The following CALCOCO1 variants were observed in gnomAD, a reference collection of about 807,000 sequenced individuals.
CALCOCO1 encodes the protein calcium-binding and coiled-coil domain-containing protein 1.
Under a neutral mutation model 86.3 loss-of-function variants are expected in CALCOCO1, and 44 were observed. The ratio of observed to expected loss-of-function variants is 0.51; its 90% CI spans 0.40 to 0.66. CALCOCO1 has a LOEUF of 0.66. Among genes scored for constraint, CALCOCO1 ranks in the 30% least tolerant of loss-of-function variants. The pLI is 0.00. For missense variants in CALCOCO1, 708 were observed against 851.1 expected (o/e 0.83, Z 2.09); for synonymous variants, 297 against 327.6 (o/e 0.91, Z 1.01).
rs988886823 is a variant in CALCOCO1 at position 53,709,197 on chromosome 12, G to A, written c.*2747C>T. The stretch of plus-strand genomic sequence containing the variant: ...GATGCTGGGGAGCAGGGAGGAAAGG[G>A]ATGATCCATTATAGAAGAGAAATAA... On this transcript the variant is annotated 3_prime_UTR_variant, in exon 15 of 15. Transcript: ENST00000550804. 2.0e-5 allele frequency: 3 copies of A among 152,234 alleles called. No homozygotes were observed. The highest frequency in any genetic ancestry group is 2.9e-5 in the Non-Finnish European group (2 of 68,078). The allele number at this position is 152,234 out of a possible 1,614,324, so 9.4% of individuals were successfully genotyped here.
In CALCOCO1 at chr12:53,712,928, T is replaced by C. The variant is rs555214069; in HGVS notation, c.1898+172A>G. The C allele has an allele frequency of 5.2e-6, 7 of 1,342,960 alleles. No individual in the cohort carries two copies. In the East Asian group the frequency reaches 1.2e-4, roughly 23 times the overall value. 83.2% of individuals were successfully genotyped at this position (1,342,960 alleles called of 1,614,324 possible). ...GGGGTAGGGATTACCTGAAGGCATC[T>C]GGGATTTGGAGCAGTGAGTCATTTT... On this transcript the variant is annotated intron_variant, in intron 14 of 14. Coordinates refer to ENST00000550804, the MANE Select transcript of CALCOCO1 (RefSeq NM_020898.3).
chr12:53,710,902 C>G lies in CALCOCO1; in HGVS notation c.*1042G>C, dbSNP rs76745218. ...ATGAGTTTGCTCCCTCCCCAACTGC[C>G]GCATTATCCAAGCCAGACTCCCACT... On this transcript the variant is annotated 3_prime_UTR_variant, in exon 15 of 15. Transcript: ENST00000550804. 1 of 216,636 alleles carries G rather than the reference C, an allele frequency of 4.6e-6. No individual in the cohort carries two copies. The highest frequency in any genetic ancestry group is 9.0e-6 in the Non-Finnish European group (1 of 111,076). 13.4% of individuals were successfully genotyped at this position (216,636 alleles called of 1,614,324 possible).
intron 1 of CALCOCO1, among the ~76,000 whole-genome samples, chr12:53,726,961 C>T (rs1330119716): frequency 6.6e-6 from 1 of 152,082 alleles, no homozygotes; most frequent in African/African-American, 2.4e-5. Flanking sequence ...GGGCGGAGAG[C>T]GGGTGTCCCA....
intron 3 of CALCOCO1, chr12:53,724,237 AG>A: frequency 2.4e-6 from 1 of 410,840 alleles, no homozygotes; most frequent in South Asian, 1.8e-5. Flanking sequence ...CCTATAAGCC[AG>A]GCATCCCCTT....
chr12:53,712,881 C>T (rs756141141), intron 14 of CALCOCO1: 21 of 1,472,874 alleles, frequency 1.4e-5, no homozygotes, highest in Non-Finnish European at 1.9e-5. Context: ...AAGGCAGGAC[C>T]TCTGAGTGCA....
rs772727925 is a variant in CALCOCO1 at position 53,715,161 on chromosome 12, A to C, written c.1386+39T>G. 1.0e-5 allele frequency: 16 copies of C among 1,607,644 alleles called. No homozygotes were observed. In the African/African-American group the frequency reaches 1.9e-4, roughly 19 times the overall value. On this transcript the variant is annotated intron_variant, in intron 10 of 14. Transcript: ENST00000550804. ...AGAGAAGGGGTATGGATGCCTCAGG[A>C]GGCCATAGGACAGGACCCTTGGTGG...
In CALCOCO1 at chr12:53,712,650, G is replaced by A. The variant is rs1945596205; in HGVS notation, c.1898+450C>T. On this transcript the variant is annotated intron_variant, in intron 14 of 14. Coordinates refer to ENST00000550804, the MANE Select transcript of CALCOCO1 (RefSeq NM_020898.3). The stretch of plus-strand genomic sequence containing the variant: ...CCTTCCCTAAGGGTTACCCAGGGAA[G>A]TCAGGGAAGAGGGAAAGCATTTCAG... 7.1e-6 allele frequency: 3 copies of A among 421,072 alleles called. No homozygotes were observed. In the South Asian group the frequency reaches 9.1e-5, roughly 13 times the overall value. 26.1% of individuals were successfully genotyped at this position (421,072 alleles called of 1,614,324 possible).
rs75193714 is a variant in CALCOCO1 at position 53,709,574 on chromosome 12, G to C, written c.*2370C>G. ...GGGAGTATGAAGCAGATTCGGGACA[G>C]TGAAGCAGAACAGGGCTGGAGAGAA... is the stretch of plus-strand genomic sequence containing the variant. On this transcript the variant is annotated 3_prime_UTR_variant, in exon 15 of 15. Transcript: ENST00000550804. The C allele has an allele frequency of 6.6e-6, 1 of 152,480 alleles. No homozygotes were observed. Among genetic ancestry groups the C allele is most frequent in the Admixed American group, 6.5e-5 (1 of 15,288 alleles). 9.4% of individuals were successfully genotyped at this position (152,480 alleles called of 1,614,324 possible). A position where few individuals can be genotyped will look rare whatever the true frequency, so the allele number is the denominator to read the frequency against.
intron 2 of CALCOCO1, 101 bp from the exon 3 acceptor site, chr12:53,724,848 AC>A: frequency 1.1e-6 from 1 of 932,350 alleles, no homozygotes; most frequent in Non-Finnish European, 1.6e-6. Flanking sequence ...GGATGGAGCT[AC>A]AGTGGCAACA....
chr12:53,713,715 TG>T lies in CALCOCO1; in HGVS notation c.1776del (p.Asp592GlufsTer15), dbSNP rs755287694. 1.4e-5 allele frequency: 22 copies of T among 1,562,550 alleles called. No individual in the cohort carries two copies. In the South Asian group the frequency reaches 2.6e-4, roughly 18 times the overall value. ...CCACTGCTCACCGAGTCAGAGCTAC[TG>T]TCCTCAGCTGGCCCAGAGAGGTGAG... Reference protein sequence around the residue: ...ISPHLSGPAEDSSSDSEAEDE... With the variant: ...ISPHLSGPAEXSSSDSEAEDE... On this transcript the variant is annotated frameshift_variant, in exon 13 of 15. Coordinates refer to ENST00000550804, the MANE Select transcript of CALCOCO1 (RefSeq NM_020898.3). LOFTEE classifies it high-confidence loss of function.
rs141656074 is a variant in CALCOCO1, at chr12:53,719,215, T to G, written c.849+524A>C. ...GTGTACTCATACACCTCCCTGGAGC[T>G]CCACAATACTTTATTAGATTTCTCT... On this transcript the variant is annotated intron_variant, in intron 7 of 14. Coordinates refer to ENST00000550804, the MANE Select transcript of CALCOCO1 (RefSeq NM_020898.3). Among the ~76,000 whole-genome samples, 341 of 151,968 alleles carry G rather than the reference T, an allele frequency of 2.2e-3. 3 individuals carry two copies. Among genetic ancestry groups the G allele is most frequent in the African/African-American group, 7.6e-3 (314 of 41,474 alleles).
chr12:53,712,805 G>T (rs1442109055), intron 14 of CALCOCO1: 1 of 1,392,652 alleles, frequency 7.2e-7, no homozygotes, highest in Non-Finnish European at 9.5e-7. Flanking sequence ...AGAGGCAGGA[G>T]AGAGGGGAAG....
rs779751724 is a variant in CALCOCO1, at chr12:53,715,927, T to G, written c.1126A>C (p.Thr376Pro). The G allele has an allele frequency of 1.2e-6, 2 of 1,614,042 alleles. No individual in the cohort carries two copies. Among genetic ancestry groups the G allele is most frequent in the Non-Finnish European group, 1.7e-6 (2 of 1,179,984 alleles). The change falls in exon 9 of 15, where the codon ACC becomes CCC. Residue 376 changes from threonine (T) to proline (P), a missense_variant. Coordinates refer to ENST00000550804, the MANE Select transcript of CALCOCO1 (RefSeq NM_020898.3). ...LASAAAARDRTIAELHRSRLE... is the reference protein window; with the variant it reads ...LASAAAARDRPIAELHRSRLE... ...CGGCTGCGGTGTAGTTCGGCTATGG[T>G]GCGGTCCCTGGCTGCTGCTGCACTG...
Position 53,719,089 on chromosome 12 carries a change from C to T in CALCOCO1, c.849+650G>A, listed in dbSNP as rs544954437. On this transcript the variant is annotated intron_variant, in intron 7 of 14. Transcript: ENST00000550804. ...TCTTGAACTGACCTCAGGGGATCCG[C>T]CTGCCTCTGCCTCCCAAAGTGCTGG... Among the ~76,000 whole-genome samples, 35 of 151,810 alleles carry T rather than the reference C, an allele frequency of 2.3e-4. 2 individuals carry two copies. The East Asian group carries it at 6.5e-3, about 28-fold the overall frequency.
rs1434460760 is a variant in CALCOCO1, at chr12:53,714,139, C to G, written c.1585G>C (p.Gly529Arg). 1 of 1,610,766 alleles carries G rather than the reference C, an allele frequency of 6.2e-7. No homozygotes were observed. Residue 529 changes from glycine (G) to arginine (R), a missense_variant, in exon 12 of 15, where the codon GGG becomes CGG. Gly to Arg is a moderately radical substitution (Grantham distance 125). Coordinates refer to ENST00000550804, the MANE Select transcript of CALCOCO1 (RefSeq NM_020898.3). Reference protein sequence around the residue: ...ATTEDEEAAVGLSCPAALTDS... With the variant: ...ATTEDEEAAVRLSCPAALTDS... ...AGATTGGGGCTACACGGACTCAGCC[C>G]CACAGCGGCCTCCTCATCCTCTGTG...
At chr12:53,714,033 T>C (rs750388820) in intron 12 of CALCOCO1, 100 bp downstream of exon 12, 12 of 1,316,384 alleles carry the variant, frequency 9.1e-6, no homozygotes, top group South Asian at 3.6e-5. Context: ...GCAAAACACA[T>C]AGAAGGCAAA....
intron 13 of CALCOCO1, 24 bp from the exon 14 acceptor site, chr12:53,713,230 G>C: frequency 6.3e-7 from 1 of 1,597,562 alleles, no homozygotes; most frequent in Non-Finnish European, 8.6e-7. Context: ...AGACAGGGTT[G>C]GGCTTTGGGG....
chr12:53,712,947 T>C, intron 14 of CALCOCO1, 153 bp downstream of exon 14: 1 of 1,272,376 alleles, frequency 7.9e-7, no homozygotes, highest in Non-Finnish European at 1.1e-6. Context: ...GAGCAGTGAG[T>C]CATTTTCCTT....
Position 53,721,489 on chromosome 12 carries a change from T to C in CALCOCO1, c.736A>G (p.Thr246Ala). Residue 246 changes from threonine to alanine, a missense_variant, in exon 6 of 15, where the codon ACG becomes GCG. Physicochemically the swap from Thr to Ala is moderately conservative, Grantham distance 58. Transcript: ENST00000550804. The stretch of plus-strand genomic sequence containing the variant: ...CACCTGTCCAGCTCCACTTCCTTCG[T>C]CAGCACTTTCTCACTGATGGTCTGG... ...DIQTISEKVL[T>A]KEVELDRLRD... 1.2e-6 allele frequency: 2 copies of C among 1,611,342 alleles called. No individual in the cohort carries two copies. Among genetic ancestry groups the C allele is most frequent in the South Asian group, 2.2e-5 (2 of 90,728 alleles).
Sources: allele counts gnomAD v4.1 joint callset (sites outside exome capture counted in the v4.1 genomes callset), GRCh38; gene constraint gnomAD v4.1.1; transcripts MANE v1.5; gene names NCBI Gene and HGNC (gene_info 2026-07-23, HGNC 2026-07-21).